CNTN5: variants seen among roughly 807,000 people sequenced by gnomAD.
CNTN5 encodes contactin 5.
A neutral mutation model predicts 129.1 loss-of-function variants in CNTN5; 77 were observed. The observed-to-expected ratio is 0.60, with a 90% CI of 0.50 to 0.72. The LOEUF (loss-of-function observed/expected upper bound fraction) is 0.72. CNTN5 is among the 30% of genes least tolerant of loss of function. The pLI is 0.00. For missense variants in CNTN5, 1,478 were observed against 1,328.8 expected (o/e 1.11, Z -1.75); for synonymous variants, 509 against 465.6 (o/e 1.09, Z -1.20).
chr11:99,701,489 G>A (rs1954517626), intron 3 of CNTN5, among the ~76,000 whole-genome samples: 1 of 151,002 alleles, frequency 6.6e-6, no homozygotes. Flanking sequence ...GTTTTTCAAA[G>A]TGATATAAAT....
At chr11:99,358,255 A>ATTTTTTTTTTTTTTTTTTTTTT (rs1186386021) in intron 2 of CNTN5, among the ~76,000 whole-genome samples, 6 of 46,924 alleles carry the variant, frequency 1.3e-4, no homozygotes, top group Non-Finnish European at 1.7e-4. Flanking sequence ...CGCCCTGCTG[A>ATTTTTTTTTTTTTTTTTTTTTT]TTTTTTTTTT....
intron 1 of CNTN5, among the ~76,000 whole-genome samples, chr11:99,315,678 A>G (rs913532460): frequency 6.7e-6 from 1 of 149,620 alleles, no homozygotes; most frequent in Non-Finnish European, 1.5e-5. Context: ...ATGGGATGGT[A>G]TGAAAGCATA....
chr11:100,294,907 A>G (rs1951071022), intron 18 of CNTN5, among the ~76,000 whole-genome samples: 1 of 151,582 alleles, frequency 6.6e-6, no homozygotes, highest in African/African-American at 2.4e-5. Context: ...ATGAATGTAC[A>G]TGGGTTTCGC....
In CNTN5 at chr11:100,097,993, C is replaced by T. The variant is rs114021304; in HGVS notation, c.1580+23699C>T. 2.0e-3 allele frequency among the ~76,000 whole-genome samples: 297 copies of T among 151,922 alleles called. 2 individuals are homozygous for T. Among genetic ancestry groups the T allele is most frequent in the African/African-American group, 7.0e-3 (289 of 41,448 alleles). On this transcript the variant is annotated intron_variant, in intron 13 of 24. Transcript: ENST00000524871. Reference sequence around the variant, plus strand: ...AGTTTTTTTTTAAGAAAAAATCCTTCATTTGTTTCGTTGTCAGAATTACCA... The same window carrying T: ...AGTTTTTTTTTAAGAAAAAATCCTTTATTTGTTTCGTTGTCAGAATTACCA...
intron 1 of CNTN5, among the ~76,000 whole-genome samples, chr11:99,262,997 T>C (rs899826391): frequency 3.9e-5 from 6 of 152,090 alleles, no homozygotes; most frequent in Non-Finnish European, 8.8e-5. Flanking sequence ...ATGAATTTTA[T>C]TGGATGCCAT....
intron 3 of CNTN5, among the ~76,000 whole-genome samples, chr11:99,698,972 G>A (rs1180493240): frequency 6.7e-6 from 1 of 150,138 alleles, no homozygotes; most frequent in Non-Finnish European, 1.5e-5. Flanking sequence ...CTACTCTTGT[G>A]AGCATAAAAA....
intron 3 of CNTN5, among the ~76,000 whole-genome samples, chr11:99,727,303 A>G (rs1241189118): frequency 8.1e-6 from 1 of 123,022 alleles, no homozygotes; most frequent in Non-Finnish European, 1.6e-5. Flanking sequence ...ACAGAGCGAG[A>G]CTCCGTCTCA....
intron 9 of CNTN5, among the ~76,000 whole-genome samples, chr11:100,055,529 T>G (rs771791057): frequency 1.3e-5 from 2 of 151,478 alleles, no homozygotes; most frequent in African/African-American, 2.4e-5. Context: ...CCTTTTTCAC[T>G]CCTAAAGAAA....
chr11:99,780,780 G>A (rs1035201578), intron 3 of CNTN5, among the ~76,000 whole-genome samples: 7 of 151,996 alleles, frequency 4.6e-5, no homozygotes, highest in Non-Finnish European at 1.0e-4. Context: ...TTGATGTTAT[G>A]ACATAGAGGA....
intron 13 of CNTN5, among the ~76,000 whole-genome samples, chr11:100,082,277 A>C (rs1426053197): frequency 2.0e-5 from 3 of 152,112 alleles, no homozygotes; most frequent in African/African-American, 7.2e-5. Context: ...ATATTGTAGA[A>C]GCATTGTAGG....
chr11:99,249,009 A>G (rs950158254), intron 1 of CNTN5, among the ~76,000 whole-genome samples: 1 of 152,120 alleles, frequency 6.6e-6, no homozygotes, highest in African/African-American at 2.4e-5. Flanking sequence ...GAAGAAAGTC[A>G]TTTGTAGCTT....
At chr11:99,615,815 G>A (rs563504021) in intron 3 of CNTN5, among the ~76,000 whole-genome samples, 1 of 151,648 alleles carries the variant, frequency 6.6e-6, no homozygotes, top group African/African-American at 2.4e-5. Flanking sequence ...AGGCTGGAGA[G>A]TAGTGGCATG....
At chr11:99,709,403 A>C (rs1194548760) in intron 3 of CNTN5, among the ~76,000 whole-genome samples, 1 of 137,562 alleles carries the variant, frequency 7.3e-6, no homozygotes, top group Non-Finnish European at 1.6e-5. Context: ...TTTACATTGA[A>C]AGTCTCAGTC....
chr11:99,090,978 T>C (rs1338987849), intron 1 of CNTN5, among the ~76,000 whole-genome samples: 38 of 125,830 alleles, frequency 3.0e-4, no homozygotes, highest in African/African-American at 9.6e-4. Context: ...GCCGAGATCG[T>C]GCCACTGCAC....
At chr11:99,027,182 T>A (rs1013089649) in intron 1 of CNTN5, among the ~76,000 whole-genome samples, 3 of 151,672 alleles carry the variant, frequency 2.0e-5, no homozygotes, top group Admixed American at 6.6e-5. Context: ...ATTTAAGTGA[T>A]TTTATTCCAT....
intron 2 of CNTN5, among the ~76,000 whole-genome samples, chr11:99,532,821 A>C (rs1454551333): frequency 3.3e-5 from 5 of 152,222 alleles, no homozygotes; most frequent in African/African-American, 1.2e-4. Flanking sequence ...TTTTCCTCCC[A>C]GTCTCCAGTA....
chr11:99,358,254 G>GTTTTTTTTTTTTTTTTT (rs1938837823), intron 2 of CNTN5, among the ~76,000 whole-genome samples: 1 of 4,818 alleles, frequency 2.1e-4, no homozygotes, highest in Non-Finnish European at 3.7e-4. Context: ...ACGCCCTGCT[G>GTTTTTTTTTTTTTTTTT]ATTTTTTTTT....
chr11:100,163,256 G>A (rs978627166), intron 13 of CNTN5, among the ~76,000 whole-genome samples: 10 of 151,440 alleles, frequency 6.6e-5, no homozygotes, highest in Non-Finnish European at 8.9e-5. Flanking sequence ...GTTACAACCT[G>A]AGTCTCATTA....
chr11:99,271,732 A>G (rs984026219), intron 1 of CNTN5, among the ~76,000 whole-genome samples: 4 of 151,862 alleles, frequency 2.6e-5, no homozygotes, highest in African/African-American at 9.7e-5. Context: ...AGGTGGGCTC[A>G]GGTCCTTACT....
Sources: allele counts gnomAD v4.1 joint callset (sites outside exome capture counted in the v4.1 genomes callset), GRCh38; gene constraint gnomAD v4.1.1; transcripts MANE v1.5; gene names NCBI Gene and HGNC (gene_info 2026-07-23, HGNC 2026-07-21).